Variants in PRCD observed in about 807,000 individuals in gnomAD.
PRCD encodes the protein photoreceptor disc component.
PRCD carries 12 observed loss-of-function variants against 10.1 expected under a neutral mutation model. The ratio of observed to expected loss-of-function variants is 1.18; its 90% CI spans 0.76 to 1.92. The LOEUF (loss-of-function observed/expected upper bound fraction) is 1.92. Among genes scored for constraint, PRCD ranks in the 40% most tolerant of loss-of-function variants. The pLI, the probability that PRCD is intolerant of heterozygous loss-of-function variation, is 0.00. For missense variants in PRCD, 61 were observed against 72.2 expected (o/e 0.84, Z 0.56); for synonymous variants, 31 against 26.2 (o/e 1.18, Z -0.56).
chr17:76,527,816 C>T (rs2074785134), exon 1 of PRCD: 3 of 453,968 alleles, frequency 6.6e-6, no homozygotes, highest in South Asian at 4.7e-5. Context: ...TCTGCCCCTG[C>T]CCATTCTAGG....
chr17:76,532,043 G>A (rs892723258), intron 1 of PRCD: 1 of 199,856 alleles, frequency 5.0e-6, no homozygotes, highest in African/African-American at 2.3e-5. Flanking sequence ...CTGGAATCAT[G>A]AGTTGATCTG....
Position 76,531,975 on chromosome 17 carries a change from C to CCGAGA in PRCD, n.45+4142_45+4143insCGAGA. On this transcript the variant is annotated intron_variant and non_coding_transcript_variant, in intron 1 of 4. Coordinates refer to the PRCD transcript ENST00000397633. The surrounding 1 kb of genome is among the most constrained non-coding windows in gnomAD (Gnocchi z 7.4). ...CCTCGCTTCTTGCTTCCTTCCCAAA[C>CCGAGA]TCTACACCCCCTTCAAGCCCTGCTC... The CCGAGA allele has an allele frequency of 3.0e-6, 1 of 336,914 alleles. No individual in the cohort carries two copies. The highest frequency in any genetic ancestry group is 5.5e-6 in the Non-Finnish European group (1 of 180,592). 20.9% of individuals were successfully genotyped at this position (336,914 alleles called of 1,614,324 possible).
Position 76,545,246 on chromosome 17 carries a change from C to G in PRCD, c.*1596C>G. On this transcript the variant is annotated 3_prime_UTR_variant, in exon 5 of 5. Transcript: ENST00000592014. ...AGTTACCTCTCTCAGCCTAGAGCTC[C>G]CCACAGAAGGCTCCTGGGACCCGGG... is the stretch of plus-strand genomic sequence containing the variant. 2.2e-6 allele frequency: 1 copy of G among 456,788 alleles called. No individual in the cohort carries two copies. Among genetic ancestry groups the G allele is most frequent in the South Asian group, 1.5e-5 (1 of 64,576 alleles). The allele number at this position is 456,788 out of a possible 1,614,324, so 28.3% of individuals were successfully genotyped here.
At chr17:76,538,551 G>C, upstream of PRCD, 1 of 463,564 alleles carries the variant, frequency 2.2e-6, no homozygotes, top group Non-Finnish European at 4.5e-6. Flanking sequence ...AGCTGGTGGC[G>C]GAGGAAGTCC....
At chr17:76,534,398 C>T (rs149369944) in intron 1 of PRCD, among the ~76,000 whole-genome samples, 355 of 152,272 alleles carry the variant, frequency 2.3e-3, no homozygotes, top group Admixed American at 4.4e-3. Flanking sequence ...AGGCTGGTGT[C>T]GAACTCCTGA....
intron 1 of PRCD, chr17:76,527,852 G>T (rs561088131): frequency 3.3e-4 from 149 of 450,890 alleles, no homozygotes; most frequent in Admixed American, 6.1e-4. Context: ...GTTCCTCTGA[G>T]GGAGTAGGGG....
rs765719013 is a variant in PRCD at position 76,543,897 on chromosome 17, G to C, written c.*247G>C. ...GACATGTCTGCCTGCAGCTGGATGG[G>C]AGCAACGGACAGCTTGTCCTCCGAA... On this transcript the variant is annotated 3_prime_UTR_variant, in exon 5 of 5. Coordinates refer to ENST00000592014, the MANE Select transcript of PRCD (RefSeq NM_001077620.3). The C allele has an allele frequency of 4.2e-6, 2 of 471,022 alleles. No individual in the cohort carries two copies. Among genetic ancestry groups the C allele is most frequent in the South Asian group, 1.5e-5 (1 of 64,560 alleles). 29.2% of individuals were successfully genotyped at this position (471,022 alleles called of 1,614,324 possible).
intron 2 of PRCD, 38 bp from the exon 3 acceptor site, chr17:76,542,515 G>A: frequency 1.2e-6 from 2 of 1,613,848 alleles, no homozygotes; most frequent in East Asian, 4.5e-5. Flanking sequence ...GGAAGGTCGT[G>A]CCCTTCAATC....
chr17:76,542,721 A>T (rs1329103397), intron 3 of PRCD, 88 bp downstream of exon 3: 1 of 831,794 alleles, frequency 1.2e-6, no homozygotes, highest in Non-Finnish European at 2.1e-6. Flanking sequence ...ATGTGGGAGG[A>T]TAGCAGGCAG....
rs1054066484 is a variant in PRCD at position 76,533,929 on chromosome 17, G to C, written n.45+6096G>C. Among the ~76,000 whole-genome samples, 1 of 151,966 alleles carries C rather than the reference G, an allele frequency of 6.6e-6. No homozygotes were observed. The highest frequency in any genetic ancestry group is 1.5e-5 in the Non-Finnish European group (1 of 67,982). On this transcript the variant is annotated intron_variant and non_coding_transcript_variant, in intron 1 of 4. Coordinates refer to the PRCD transcript ENST00000397633. This position sits in a 1 kb window ranked among gnomAD's most constrained non-coding sequence, Gnocchi z 4.5. Reference sequence around the variant, plus strand: ...GTCTGTAGTCCTAGCTACTTGGGAGGCTGCAGCAGGAAGATCCGATCGCAT... The same window carrying C: ...GTCTGTAGTCCTAGCTACTTGGGAGCCTGCAGCAGGAAGATCCGATCGCAT...
rs927217121 is a variant in PRCD at position 76,531,388 on chromosome 17, G to A, written n.45+3555G>A. ...ACCTCTGTTGCTCCAGAGAGCCGTC[G>A]CAGAGCCTGCGAGCTGCAGATGGCC... On this transcript the variant is annotated intron_variant and non_coding_transcript_variant, in intron 1 of 4. Coordinates refer to the PRCD transcript ENST00000397633. This position sits in a 1 kb window ranked among gnomAD's most constrained non-coding sequence, Gnocchi z 7.4. 9 of 1,535,384 alleles carry A rather than the reference G, an allele frequency of 5.9e-6. No individual in the cohort carries two copies. The Admixed American group carries it at 1.1e-4, about 18-fold the overall frequency.
At chr17:76,527,747 G>A (rs544646562), upstream of PRCD, 73 of 454,042 alleles carry the variant, frequency 1.6e-4, no homozygotes, top group South Asian at 1.1e-3. Flanking sequence ...GGAGCTAGCG[G>A]TCGAGGTTTC....
At position 76,528,257 on chromosome 17, in the gene PRCD, G is replaced by C; in HGVS notation, n.45+424G>C. ...GGCCGGGCTGATAGAAACGGGGCTG[G>C]TTTATTCCCTAAGGGACTCCTAGAC... On this transcript the variant is annotated intron_variant and non_coding_transcript_variant, in intron 1 of 4. Coordinates refer to the PRCD transcript ENST00000397633. The surrounding 1 kb of genome is among the most constrained non-coding windows in gnomAD (Gnocchi z 5.8). 2.5e-6 allele frequency: 1 copy of C among 399,372 alleles called. No homozygotes were observed. Among genetic ancestry groups the C allele is most frequent in the African/African-American group, 2.1e-5 (1 of 48,726 alleles). The allele number at this position is 399,372 out of a possible 1,614,324, so 24.7% of individuals were successfully genotyped here. A position where few individuals can be genotyped will look rare whatever the true frequency, so the allele number is the denominator to read the frequency against.
chr17:76,552,484 C>A (rs1214050670), intron 1 of PRCD, among the ~76,000 whole-genome samples: 3 of 152,012 alleles, frequency 2.0e-5, no homozygotes, highest in African/African-American at 7.2e-5. Context: ...CAGGCGTGAG[C>A]CACTGCACCC....
At chr17:76,545,503 C>G, downstream of PRCD, 1 of 395,562 alleles carries the variant, frequency 2.5e-6, no homozygotes, top group Admixed American at 2.8e-5. Context: ...AGAGCTGAGC[C>G]AAAGGGTGGG....
downstream of PRCD, among the ~76,000 whole-genome samples, chr17:76,547,857 A>C (rs1392628288): frequency 6.6e-6 from 1 of 151,628 alleles, no homozygotes; most frequent in Non-Finnish European, 1.5e-5. Flanking sequence ...ACACACAGAC[A>C]TACACATATA....
upstream of PRCD, chr17:76,538,189 G>C (rs1343921660): frequency 1.9e-5 from 3 of 157,310 alleles, no homozygotes; most frequent in Non-Finnish European, 4.2e-5. Flanking sequence ...CCGTGGGGGC[G>C]AACAGGAGCC....
chr17:76,530,927 G>A lies in PRCD; in HGVS notation n.45+3094G>A. On this transcript the variant is annotated intron_variant and non_coding_transcript_variant, in intron 1 of 4. Coordinates refer to the PRCD transcript ENST00000397633. This position sits in a 1 kb window ranked among gnomAD's most constrained non-coding sequence, Gnocchi z 6.1. ...GGAGATATGGGAGACCTCGGGGACAGCAGAGGACATGGCGGGGAGGCTGCC... is the reference window on the plus strand; with the variant it reads ...GGAGATATGGGAGACCTCGGGGACAACAGAGGACATGGCGGGGAGGCTGCC... The A allele has an allele frequency of 1.3e-6, 2 of 1,519,974 alleles. No homozygotes were observed. The highest frequency in any genetic ancestry group is 1.8e-6 in the Non-Finnish European group (2 of 1,129,240). The allele number at this position is 1,519,974 out of a possible 1,614,324, so 94.2% of individuals were successfully genotyped here. A position where few individuals can be genotyped will look rare whatever the true frequency, so the allele number is the denominator to read the frequency against.
downstream of PRCD, chr17:76,546,433 T>TTG (rs1244243307): frequency 2.1e-4 from 4 of 19,046 alleles, no homozygotes; most frequent in South Asian, 7.2e-3. The surrounding 1 kb of genome is among the most constrained non-coding windows in gnomAD (Gnocchi z 4.5). Flanking sequence ...AAGTGTGCGG[T>TTG]TGTGTGTGTG....
Sources: allele counts gnomAD v4.1 joint callset (sites outside exome capture counted in the v4.1 genomes callset), GRCh38; gene constraint gnomAD v4.1.1; non-coding constraint Gnocchi (gnomAD v3.1); transcripts MANE v1.5; gene names NCBI Gene and HGNC (gene_info 2026-07-23, HGNC 2026-07-21).